RNF180: variants seen among roughly 807,000 people sequenced by gnomAD.
RNF180 encodes E3 ubiquitin-protein ligase RNF180.
A neutral mutation model predicts 59.2 loss-of-function variants in RNF180; 38 were observed. That is an observed-to-expected ratio of 0.64 (90% CI 0.50 to 0.84). The LOEUF is 0.84. RNF180 is among the 40% of genes least tolerant of loss of function. The probability of loss-of-function intolerance (pLI) is 0.00; values close to 1 mark genes in which losing one functional copy is unlikely to be tolerated. For missense variants in RNF180, 705 were observed against 700.9 expected (o/e 1.01, Z -0.07); for synonymous variants, 262 against 240.3 (o/e 1.09, Z -0.84).
intron 2 of RNF180, among the ~76,000 whole-genome samples, chr5:64,211,702 T>C (rs557906875): frequency 5.9e-5 from 9 of 152,134 alleles, no homozygotes; most frequent in Admixed American, 1.3e-4. Flanking sequence ...AGAATTCAGA[T>C]AGAATAGAGA....
chr5:64,196,307 C>T (rs1019979314), intron 1 of RNF180, among the ~76,000 whole-genome samples: 1 of 151,870 alleles, frequency 6.6e-6, no homozygotes, highest in African/African-American at 2.4e-5. Flanking sequence ...ATTATGTTCT[C>T]CCTGATTTTA....
At chr5:64,324,742 G>A (rs144754824) in intron 5 of RNF180, among the ~76,000 whole-genome samples, 2,382 of 152,230 alleles carry the variant, frequency 0.016, 30 homozygotes, top group Non-Finnish European at 0.026. Flanking sequence ...TGTTCCACAC[G>A]CAGTATGAGA....
chr5:64,283,255 T>G (rs1742103636), intron 5 of RNF180, among the ~76,000 whole-genome samples: 1 of 152,196 alleles, frequency 6.6e-6, no homozygotes, highest in African/African-American at 2.4e-5. Context: ...TTGTAATGCC[T>G]TATCTTTTTT....
chr5:64,369,506 C>A, intron 7 of RNF180, 109 bp from the exon 8 acceptor site: 1 of 586,652 alleles, frequency 1.7e-6, no homozygotes, highest in African/African-American at 1.9e-5. Context: ...CAACATAACT[C>A]CGCTCAGTGA....
chr5:64,251,294 G>A (rs1334829878), intron 5 of RNF180, among the ~76,000 whole-genome samples: 1 of 152,140 alleles, frequency 6.6e-6, no homozygotes, highest in African/African-American at 2.4e-5. Context: ...CAAGACAAGA[G>A]TGCCAGTGTC....
chr5:64,238,874 A>G (rs1001369710), intron 5 of RNF180, among the ~76,000 whole-genome samples: 1 of 152,040 alleles, frequency 6.6e-6, no homozygotes, highest in African/African-American at 2.4e-5. Flanking sequence ...TCTGTTGCCC[A>G]TGCTTTTGTT....
chr5:64,223,872 C>T (rs1364193503), intron 5 of RNF180, among the ~76,000 whole-genome samples: 5 of 152,122 alleles, frequency 3.3e-5, no homozygotes, highest in African/African-American at 9.6e-5. Flanking sequence ...GGGGGAGACA[C>T]GTGAATTTCA....
chr5:64,262,982 A>T (rs535967190), intron 5 of RNF180, among the ~76,000 whole-genome samples: 1 of 152,264 alleles, frequency 6.6e-6, no homozygotes, highest in East Asian at 1.9e-4. Context: ...ACAAGATGTA[A>T]AATAGAAGTG....
chr5:64,296,669 A>AG (rs397970669), intron 5 of RNF180, among the ~76,000 whole-genome samples: 1 of 150,906 alleles, frequency 6.6e-6, no homozygotes, highest in Non-Finnish European at 1.5e-5. Flanking sequence ...AAAAAAAAAA[A>AG]GGAAAATGAT....
intron 7 of RNF180, among the ~76,000 whole-genome samples, chr5:64,331,522 C>T (rs570371594): frequency 6.6e-6 from 1 of 152,132 alleles, no homozygotes; most frequent in African/African-American, 2.4e-5. Flanking sequence ...CTGTGAGTCT[C>T]CTCTCCACTG....
intron 5 of RNF180, among the ~76,000 whole-genome samples, chr5:64,283,050 C>G (rs779268106): frequency 6.6e-6 from 1 of 152,062 alleles, no homozygotes. Context: ...GTTTAGATAT[C>G]TTTGAGTTTT....
chr5:64,175,941 A>G (rs1404771674), intron 1 of RNF180, among the ~76,000 whole-genome samples: 1 of 152,146 alleles, frequency 6.6e-6, no homozygotes, highest in Non-Finnish European at 1.5e-5. Context: ...CTGAATTTAT[A>G]TATTGATTTT....
chr5:64,190,898 C>T (rs1751114870), intron 1 of RNF180, among the ~76,000 whole-genome samples: 1 of 152,110 alleles, frequency 6.6e-6, no homozygotes, highest in Non-Finnish European at 1.5e-5. Context: ...GTTGTTTAAG[C>T]CCCCTAGTCT....
At chr5:64,338,730 T>C (rs1335084733) in intron 7 of RNF180, among the ~76,000 whole-genome samples, 1 of 152,154 alleles carries the variant, frequency 6.6e-6, no homozygotes, top group Non-Finnish European at 1.5e-5. Flanking sequence ...GTTTTAAGAA[T>C]GTTCTCTCAT....
rs1171637074 is a variant in RNF180 at position 64,234,578 on chromosome 5, CTTTTTTTTTTTTTT to C, written c.1227+17208_1227+17221del. Among the ~76,000 whole-genome samples the C allele has an allele frequency of 2.5e-4, 12 of 48,518 alleles. No individual in the cohort carries two copies. In the South Asian group the frequency reaches 2.9e-3, roughly 12 times the overall value. 31.8% of individuals were successfully genotyped at this position (48,518 alleles called of 152,430 possible). The stretch of plus-strand genomic sequence containing the variant: ...GCTTTCCAAATGGCAGTTACCCGTT[CTTTTTTTTTTTTTT>C]TTTTTTTTTTTTTTTTTTTTTTTTT... On this transcript the variant is annotated intron_variant, in intron 5 of 7. Transcript: ENST00000389100.
intron 5 of RNF180, among the ~76,000 whole-genome samples, chr5:64,261,274 T>C (rs1744323422): frequency 6.6e-6 from 1 of 152,176 alleles, no homozygotes; most frequent in Admixed American, 6.6e-5. Context: ...GAAAAAGAGA[T>C]TATAAATGGT....
chr5:64,222,621 A>C (rs543423772), intron 5 of RNF180, among the ~76,000 whole-genome samples: 1 of 152,348 alleles, frequency 6.6e-6, no homozygotes, highest in East Asian at 1.9e-4. Flanking sequence ...AGCTGGTCAC[A>C]TAGGTACCCA....
chr5:64,331,607 A>G (rs912108340), intron 7 of RNF180, among the ~76,000 whole-genome samples: 21 of 152,036 alleles, frequency 1.4e-4, no homozygotes, highest in Non-Finnish European at 2.9e-5. Flanking sequence ...GAACTGTTCT[A>G]CCACTCAGTG....
intron 5 of RNF180, among the ~76,000 whole-genome samples, chr5:64,316,987 A>G (rs1166340558): frequency 6.6e-6 from 1 of 152,348 alleles, no homozygotes; most frequent in African/African-American, 2.4e-5. Context: ...AGCCCTTCAT[A>G]TCCACAGGTT....
Sources: allele counts gnomAD v4.1 joint callset (sites outside exome capture counted in the v4.1 genomes callset), GRCh38; gene constraint gnomAD v4.1.1; transcripts MANE v1.5; gene names NCBI Gene and HGNC (gene_info 2026-07-23, HGNC 2026-07-21).